PDE4D: variants seen among roughly 807,000 people sequenced by gnomAD.
PDE4D encodes phosphodiesterase 4D.
Under a neutral mutation model 87.4 loss-of-function variants are expected in PDE4D, and 24 were observed. The ratio of observed to expected loss-of-function variants is 0.27; its 90% CI spans 0.20 to 0.39. The LOEUF (loss-of-function observed/expected upper bound fraction) is 0.39, where lower values mean the gene tolerates loss of function less well. Ranked by LOEUF, PDE4D falls within the 10% of genes least tolerant of loss-of-function variation. The probability of loss-of-function intolerance (pLI) is 1.00; values close to 1 mark genes in which losing one functional copy is unlikely to be tolerated. For synonymous variants in PDE4D, 384 were observed against 383.2 expected, an observed-to-expected ratio of 1.00 and a Z score of -0.02; for missense variants, 714 against 1,041.0, an observed-to-expected ratio of 0.69 and a Z score of 4.32.
At chr5:60,081,893 T>C (rs1450951110) in intron 2 of PDE4D, among the ~76,000 whole-genome samples, 1 of 152,162 alleles carries the variant, frequency 6.6e-6, no homozygotes, top group Non-Finnish European at 1.5e-5. Context: ...TCTTCTCAGG[T>C]TCTTTTTTGT....
intron 3 of PDE4D, among the ~76,000 whole-genome samples, chr5:59,911,385 C>A (rs1753422025): frequency 1.3e-5 from 2 of 152,038 alleles, no homozygotes; most frequent in Non-Finnish European, 2.9e-5. Context: ...ACCCAGGAAC[C>A]AACTCAGCTC....
intron 3 of PDE4D, chr5:59,988,246 A>C: frequency 2.5e-6 from 1 of 397,560 alleles, no homozygotes; most frequent in Non-Finnish European, 4.5e-6. Flanking sequence ...GCCCTTTGGC[A>C]AATGTTTATT....
chr5:59,617,204 G>C (rs774997234), intron 1 of PDE4D, among the ~76,000 whole-genome samples: 3 of 151,884 alleles, frequency 2.0e-5, no homozygotes, highest in Non-Finnish European at 4.4e-5. Context: ...TGGTGGAGGA[G>C]CTCCATCGTC....
At chr5:59,116,468 C>T (rs1286559013) in intron 5 of PDE4D, among the ~76,000 whole-genome samples, 4 of 152,092 alleles carry the variant, frequency 2.6e-5, no homozygotes, top group Non-Finnish European at 4.4e-5. Flanking sequence ...CAATGAGCAT[C>T]GAGGTACACG....
intron 1 of PDE4D, among the ~76,000 whole-genome samples, chr5:59,309,222 T>G (rs1772064498): frequency 6.6e-6 from 1 of 152,176 alleles, no homozygotes; most frequent in South Asian, 2.1e-4. Flanking sequence ...ACTCCACCTG[T>G]GGAGTCTGCA....
chr5:59,196,948 T>C (rs1745585098), intron 2 of PDE4D, among the ~76,000 whole-genome samples: 1 of 152,286 alleles, frequency 6.6e-6, no homozygotes, highest in Middle Eastern at 3.4e-3. Flanking sequence ...GACATTGTAT[T>C]GTAAAATGGA....
At chr5:60,122,652 T>C (rs1778794110) in intron 2 of PDE4D, among the ~76,000 whole-genome samples, 1 of 152,126 alleles carries the variant, frequency 6.6e-6, no homozygotes, top group African/African-American at 2.4e-5. Context: ...TCTCCTAGGC[T>C]TCCAGGCCTG....
intron 2 of PDE4D, among the ~76,000 whole-genome samples, chr5:60,053,586 C>T (rs1219765922): frequency 1.3e-5 from 2 of 152,130 alleles, no homozygotes; most frequent in Non-Finnish European, 2.9e-5. Flanking sequence ...ACCATAAAAA[C>T]CCTAGAAGAA....
At chr5:59,159,167 T>C (rs1223408357) in intron 5 of PDE4D, among the ~76,000 whole-genome samples, 4 of 152,012 alleles carry the variant, frequency 2.6e-5, no homozygotes, top group Non-Finnish European at 4.4e-5. Context: ...CTACTTAAGA[T>C]TTTTTGCCCA....
intron 1 of PDE4D, among the ~76,000 whole-genome samples, chr5:59,402,969 C>A (rs751501789): frequency 1.3e-5 from 2 of 151,968 alleles, no homozygotes; most frequent in South Asian, 2.1e-4. Flanking sequence ...ACTGATAAAC[C>A]AAATGATGTG....
intron 1 of PDE4D, among the ~76,000 whole-genome samples, chr5:59,391,535 T>C (rs1788247480): frequency 6.6e-6 from 1 of 152,182 alleles, no homozygotes; most frequent in Non-Finnish European, 1.5e-5. Flanking sequence ...GATCTCTCTT[T>C]CTTCCCTTAT....
At chr5:59,684,225 C>T (rs1300367230) in intron 1 of PDE4D, among the ~76,000 whole-genome samples, 3 of 152,122 alleles carry the variant, frequency 2.0e-5, no homozygotes, top group African/African-American at 4.8e-5. Flanking sequence ...GTTATTCTTC[C>T]TTCTTCTGTC....
chr5:60,210,152 C>G (rs1743021759), intron 1 of PDE4D, among the ~76,000 whole-genome samples: 1 of 151,994 alleles, frequency 6.6e-6, no homozygotes, highest in African/African-American at 2.4e-5. Flanking sequence ...AACAAATGTA[C>G]TAAATCTAAT....
chr5:59,435,420 T>C lies in PDE4D; in HGVS notation c.456-219452A>G, dbSNP rs573439934. ...TAGTGTCTTTCCTGTACACAGTCTG[T>C]TCTTCTGGCCCACTGGGGCTTCCCA... is the stretch of plus-strand genomic sequence containing the variant. On this transcript the variant is annotated intron_variant, in intron 1 of 14. Coordinates refer to ENST00000340635, the MANE Select transcript of PDE4D (RefSeq NM_001104631.2). 1.1e-4 allele frequency among the ~76,000 whole-genome samples: 17 copies of C among 152,306 alleles called. No individual in the cohort carries two copies. The South Asian group carries it at 3.5e-3, about 32-fold the overall frequency.
chr5:59,394,288 T>C (rs1788865791), intron 1 of PDE4D, among the ~76,000 whole-genome samples: 1 of 152,208 alleles, frequency 6.6e-6, no homozygotes. Context: ...AGTGTCACTG[T>C]CATAGTTTGT....
chr5:59,406,020 G>A (rs6893668), intron 1 of PDE4D, among the ~76,000 whole-genome samples: 26,284 of 152,078 alleles, frequency 0.17, 3,061 homozygotes, highest in African/African-American at 0.32. Context: ...GGTCTGTTTC[G>A]GTATGAGGGT....
chr5:59,289,216 A>T (rs974497070), intron 1 of PDE4D, among the ~76,000 whole-genome samples: 1 of 152,046 alleles, frequency 6.6e-6, no homozygotes, highest in Non-Finnish European at 1.5e-5. Flanking sequence ...TAAAATGTAG[A>T]GTTTTTATTG....
chr5:59,923,766 A>G (rs1754948879), intron 3 of PDE4D, among the ~76,000 whole-genome samples: 1 of 152,240 alleles, frequency 6.6e-6, no homozygotes. Flanking sequence ...AAAGGCAGGT[A>G]CAAACAAGCC....
chr5:60,376,728 T>G (rs546806697), intron 1 of PDE4D, among the ~76,000 whole-genome samples: 16 of 152,158 alleles, frequency 1.1e-4, no homozygotes, highest in South Asian at 1.0e-3. Context: ...GACATAACCA[T>G]AGCAAACATT....
Sources: allele counts gnomAD v4.1 joint callset (sites outside exome capture counted in the v4.1 genomes callset), GRCh38; gene constraint gnomAD v4.1.1; transcripts MANE v1.5; gene names NCBI Gene and HGNC (gene_info 2026-07-23, HGNC 2026-07-21).